CFAP210: variants seen among roughly 807,000 people sequenced by gnomAD.
CFAP210 encodes cilia and flagella associated protein 210.
the CFAP210 span, among the ~76,000 whole-genome samples, chr2:169,680,139 A>G: frequency 1.3e-5 from 2 of 152,220 alleles, no homozygotes; most frequent in Non-Finnish European, 2.9e-5. Flanking sequence ...ACTGATAGAA[A>G]ATAAGTTCAG....
chr2:169,686,806 C>T, the CFAP210 span, among the ~76,000 whole-genome samples: 2 of 152,094 alleles, frequency 1.3e-5, no homozygotes, highest in Admixed American at 1.3e-4. Context: ...TTGAAGGGGA[C>T]AAATATTCAA....
At chr2:169,656,342 G>C in the CFAP210 span, among the ~76,000 whole-genome samples, 2 of 143,046 alleles carry the variant, frequency 1.4e-5, no homozygotes, top group Non-Finnish European at 3.1e-5. Flanking sequence ...AGAAGGAGAA[G>C]AGAGGAAGAG....
At chr2:169,687,619 C>T in the CFAP210 span, among the ~76,000 whole-genome samples, 2 of 152,208 alleles carry the variant, frequency 1.3e-5, no homozygotes, top group African/African-American at 4.8e-5. Context: ...CAGTTCTGCC[C>T]CTGTGGCCTT....
chr2:169,668,859 C>T, the CFAP210 span, among the ~76,000 whole-genome samples: 9 of 152,096 alleles, frequency 5.9e-5, no homozygotes, highest in African/African-American at 1.4e-4. Flanking sequence ...TGAAATACAG[C>T]GAGAGTTACC....
the CFAP210 span, among the ~76,000 whole-genome samples, chr2:169,686,137 A>G: frequency 3.9e-5 from 6 of 152,186 alleles, no homozygotes; most frequent in African/African-American, 1.4e-4. Context: ...TTCTGGCCAC[A>G]ACCACCTGAG....
At chr2:169,654,279 C>T in the CFAP210 span, 3 of 1,372,554 alleles carry the variant, frequency 2.2e-6, no homozygotes, top group Admixed American at 7.4e-5. Context: ...ATATCAGTAG[C>T]TAACAAGAAC....
the CFAP210 span, among the ~76,000 whole-genome samples, chr2:169,675,765 T>C: frequency 6.6e-6 from 1 of 152,222 alleles, no homozygotes; most frequent in East Asian, 1.9e-4. Flanking sequence ...GTTTCTTTTG[T>C]CTACTTCCAA....
the CFAP210 span, among the ~76,000 whole-genome samples, chr2:169,680,580 C>T: frequency 3.9e-5 from 6 of 152,086 alleles, no homozygotes; most frequent in Admixed American, 2.0e-4. Flanking sequence ...CAATGGAATA[C>T]GATTCAGCAA....
chr2:169,653,586 C>T, the CFAP210 span, among the ~76,000 whole-genome samples: 1 of 126,492 alleles, frequency 7.9e-6, no homozygotes, highest in African/African-American at 3.0e-5. Flanking sequence ...CTGATGAATA[C>T]TTCATTTTAA....
chr2:169,672,374 G>A, the CFAP210 span, among the ~76,000 whole-genome samples: 1 of 152,198 alleles, frequency 6.6e-6, no homozygotes, highest in Non-Finnish European at 1.5e-5. Context: ...GTATGTGTGA[G>A]TTTATTTGGG....
the CFAP210 span, among the ~76,000 whole-genome samples, chr2:169,663,448 G>A: frequency 7.9e-5 from 12 of 152,096 alleles, no homozygotes; most frequent in African/African-American, 2.4e-4. Context: ...CAATCCTCCC[G>A]CCTAAGCCTC....
the CFAP210 span, among the ~76,000 whole-genome samples, chr2:169,688,512 C>T: frequency 6.6e-6 from 1 of 152,210 alleles, no homozygotes; most frequent in Admixed American, 6.5e-5. Flanking sequence ...GTATCCAACT[C>T]ACCTCTTGAA....
the CFAP210 span, among the ~76,000 whole-genome samples, chr2:169,664,727 G>C: frequency 6.6e-6 from 1 of 152,162 alleles, no homozygotes; most frequent in Non-Finnish European, 1.5e-5. Flanking sequence ...CTGATTCTTG[G>C]TCCTTCTCAA....
chr2:169,653,040 A>G, the CFAP210 span, among the ~76,000 whole-genome samples: 1 of 52,470 alleles, frequency 1.9e-5, no homozygotes, highest in Admixed American at 2.3e-4. Context: ...ATATATATAT[A>G]TATATATATA....
At chr2:169,688,735 T>C in the CFAP210 span, among the ~76,000 whole-genome samples, 2 of 152,198 alleles carry the variant, frequency 1.3e-5, no homozygotes, top group Non-Finnish European at 2.9e-5. Flanking sequence ...AGCATTTTGG[T>C]CAAAGGCATT....
the CFAP210 span, among the ~76,000 whole-genome samples, chr2:169,647,195 A>AG: frequency 2.0e-5 from 3 of 151,950 alleles, no homozygotes; most frequent in Non-Finnish European, 4.4e-5. Context: ...AAAAAGTCAA[A>AG]AAAAAGCTAA....
chr2:169,681,572 C>T, the CFAP210 span, among the ~76,000 whole-genome samples: 1 of 152,124 alleles, frequency 6.6e-6, no homozygotes, highest in Non-Finnish European at 1.5e-5. Flanking sequence ...TCAAAGTTAA[C>T]AAAGTGGCAG....
the CFAP210 span, among the ~76,000 whole-genome samples, chr2:169,688,045 C>T: frequency 1.3e-5 from 2 of 152,226 alleles, no homozygotes; most frequent in African/African-American, 4.8e-5. Flanking sequence ...ACATTGGCCC[C>T]TTTCAGCCAT....
the CFAP210 span, among the ~76,000 whole-genome samples, chr2:169,683,540 A>G: frequency 2.0e-5 from 3 of 152,214 alleles, no homozygotes; most frequent in Non-Finnish European, 4.4e-5. Flanking sequence ...TAGGCATGTT[A>G]ATATCTTTGT....
Sources: gnomAD v4.1 joint callset for allele counts (sites outside exome capture counted in the v4.1 genomes callset) on GRCh38, gnomAD v4.1.1 for gene constraint, MANE v1.5 for transcripts, NCBI Gene and HGNC (gene_info 2026-07-23, HGNC 2026-07-21) for gene names.